Variants in DPF3 observed in about 807,000 individuals in gnomAD.
DPF3 encodes zinc finger protein DPF3.
DPF3 carries 18 observed loss-of-function variants against 56.8 expected under a neutral mutation model. The observed-to-expected ratio is 0.32, with a 90% CI of 0.22 to 0.47. The LOEUF is 0.47. Among genes scored for constraint, DPF3 ranks in the 20% least tolerant of loss-of-function variants. The pLI, the probability that DPF3 is intolerant of heterozygous loss-of-function variation, is 1.00. For synonymous variants in DPF3, 188 were observed against 180.2 expected (o/e 1.04, Z -0.35); for missense variants, 403 against 488.8 (o/e 0.82, Z 1.65).
chr14:72,726,127 T>C (rs1476246652), intron 4 of DPF3, among the ~76,000 whole-genome samples: 1 of 152,220 alleles, frequency 6.6e-6, no homozygotes, highest in African/African-American at 2.4e-5. Flanking sequence ...ACAGGTCAAA[T>C]GCTCTGCAGC....
chr14:72,771,108 G>A (rs1184102848), intron 2 of DPF3, among the ~76,000 whole-genome samples: 2 of 151,708 alleles, frequency 1.3e-5, no homozygotes, highest in Non-Finnish European at 2.9e-5. Context: ...CCCGGGAGGC[G>A]GTGAGTCGAG....
Position 72,710,657 on chromosome 14 carries a change from G to A in DPF3, c.604+3766C>T, listed in dbSNP as rs80126614. ...CCCAGGAGTCTGAATTCTAAGAAGC[G>A]TCTAGGCATTGCTGTGCAGCTGGTC... On this transcript the variant is annotated intron_variant, in intron 6 of 10. Coordinates refer to ENST00000556509, the MANE Select transcript of DPF3 (RefSeq NM_001280542.3). Among the ~76,000 whole-genome samples the A allele has an allele frequency of 2.3e-3, 346 of 152,302 alleles. 6 individuals carry two copies. Among genetic ancestry groups the A allele is most frequent in the Middle Eastern group, 0.014 (4 of 294 alleles).
At chr14:72,628,487 A>G (rs1024325256) in intron 9 of DPF3, among the ~76,000 whole-genome samples, 9 of 152,182 alleles carry the variant, frequency 5.9e-5, no homozygotes, top group African/African-American at 2.2e-4. Flanking sequence ...AAATTATCCA[A>G]TAAGAATATC....
chr14:72,763,133 T>C (rs982609986), intron 2 of DPF3, among the ~76,000 whole-genome samples: 4 of 152,074 alleles, frequency 2.6e-5, no homozygotes, highest in African/African-American at 7.2e-5. Flanking sequence ...AGATATGCCA[T>C]ATTCATGGGT....
intron 1 of DPF3, among the ~76,000 whole-genome samples, chr14:72,874,269 G>A (rs1886022371): frequency 6.6e-6 from 1 of 151,614 alleles, no homozygotes; most frequent in Non-Finnish European, 1.5e-5. Flanking sequence ...ACGGGGTCAG[G>A]AGTTCAAGAC....
chr14:72,863,408 C>T lies in DPF3; in HGVS notation c.32+30649G>A, dbSNP rs964098061. Among the ~76,000 whole-genome samples, 6 of 151,404 alleles carry T rather than the reference C, an allele frequency of 4.0e-5. No homozygotes were observed. In the East Asian group the frequency reaches 5.8e-4, roughly 15 times the overall value. On this transcript the variant is annotated intron_variant, in intron 1 of 10. Transcript: ENST00000556509. Reference sequence around the variant, plus strand: ...AAGTTTCAGGGGAAGAGAAGATTACCGAGAAAGGGAAGAGAAATTAGCACA... The same window carrying T: ...AAGTTTCAGGGGAAGAGAAGATTACTGAGAAAGGGAAGAGAAATTAGCACA...
At chr14:72,756,859 A>AGGAAGGAAGGAAG (rs1567222901) in intron 2 of DPF3, among the ~76,000 whole-genome samples, 31 of 116,578 alleles carry the variant, frequency 2.7e-4, no homozygotes, top group African/African-American at 1.1e-3. Context: ...AAAGAAAGAA[A>AGGAAGGAAGGAAG]GAAAGAAAGA....
intron 1 of DPF3, among the ~76,000 whole-genome samples, chr14:72,817,244 T>C (rs991977514): frequency 9.2e-5 from 14 of 152,370 alleles, no homozygotes; most frequent in Non-Finnish European, 2.1e-4. Flanking sequence ...CCCACTTTTA[T>C]GTCCCCACTA....
chr14:72,731,479 AT>A (rs2139856058), intron 4 of DPF3: 1 of 242,756 alleles, frequency 4.1e-6, no homozygotes, highest in Non-Finnish European at 8.1e-6. Flanking sequence ...TCTTGGTTCC[AT>A]GGGGACAAGG....
chr14:72,715,124 G>A (rs781302020), intron 5 of DPF3, among the ~76,000 whole-genome samples: 1 of 152,216 alleles, frequency 6.6e-6, no homozygotes, highest in Non-Finnish European at 1.5e-5. Context: ...CTCAGTAGGG[G>A]TGGGCTTTGG....
At chr14:72,689,562 C>G (rs1225236313) in intron 7 of DPF3, among the ~76,000 whole-genome samples, 1 of 152,190 alleles carries the variant, frequency 6.6e-6, no homozygotes, top group African/African-American at 2.4e-5. Context: ...CACACAGCCC[C>G]AGTAGCATTT....
chr14:72,820,988 C>T (rs1464681115), intron 1 of DPF3, among the ~76,000 whole-genome samples: 3 of 151,834 alleles, frequency 2.0e-5, no homozygotes, highest in South Asian at 2.1e-4. Flanking sequence ...AAAAATTAGC[C>T]GAGTGTGGTG....
At chr14:72,736,477 G>A (rs1284055872) in intron 3 of DPF3, among the ~76,000 whole-genome samples, 1 of 152,186 alleles carries the variant, frequency 6.6e-6, no homozygotes, top group Non-Finnish European at 1.5e-5. Context: ...TAGCTGCCGA[G>A]TGCCATTCCA....
At chr14:72,706,859 G>T (rs1207291265) in intron 6 of DPF3, among the ~76,000 whole-genome samples, 3 of 151,648 alleles carry the variant, frequency 2.0e-5, no homozygotes, top group African/African-American at 7.3e-5. Flanking sequence ...AAGTTTTAGG[G>T]TACATGTGTA....
At chr14:72,739,706 G>A (rs1890049372) in intron 3 of DPF3, among the ~76,000 whole-genome samples, 1 of 152,202 alleles carries the variant, frequency 6.6e-6, no homozygotes, top group Non-Finnish European at 1.5e-5. Context: ...CAAGTCCAGG[G>A]TGGCCATTGC....
chr14:72,711,903 C>T (rs1330703060), intron 6 of DPF3, among the ~76,000 whole-genome samples: 1 of 151,978 alleles, frequency 6.6e-6, no homozygotes, highest in Non-Finnish European at 1.5e-5. Flanking sequence ...TTATTAAAAG[C>T]ACTCCTTGCC....
chr14:72,767,675 G>A (rs191787168), intron 2 of DPF3, among the ~76,000 whole-genome samples: 2 of 144,126 alleles, frequency 1.4e-5, no homozygotes, highest in Non-Finnish European at 3.0e-5. Context: ...CATTTGTGTT[G>A]TTGAAGTCCG....
intron 6 of DPF3, among the ~76,000 whole-genome samples, chr14:72,710,506 T>C (rs1315771943): frequency 2.0e-5 from 3 of 152,218 alleles, no homozygotes; most frequent in African/African-American, 7.2e-5. Flanking sequence ...GCCTTCATGT[T>C]TAAATGAAGT....
chr14:72,854,181 AC>A (rs2140088073), intron 1 of DPF3, among the ~76,000 whole-genome samples: 1 of 152,162 alleles, frequency 6.6e-6, no homozygotes, highest in Non-Finnish European at 1.5e-5. Flanking sequence ...ACATGGTGAA[AC>A]CCTGTCTCTA....
Sources: gnomAD v4.1 joint callset for allele counts (sites outside exome capture counted in the v4.1 genomes callset) on GRCh38, gnomAD v4.1.1 for gene constraint, MANE v1.5 for transcripts, NCBI Gene and HGNC (gene_info 2026-07-23, HGNC 2026-07-21) for gene names.